Variants in POC1B observed in about 807,000 individuals in gnomAD.
POC1B encodes the protein POC1 centriolar protein B.
In POC1B, 44 loss-of-function variants were observed where a neutral mutation model predicts 60.6. That is an observed-to-expected ratio of 0.73 (90% CI 0.57 to 0.93). POC1B has a LOEUF of 0.93. Ranked by LOEUF, POC1B falls within the 40% of genes least tolerant of loss-of-function variation. POC1B has a pLI of 0.00. For missense variants in POC1B, 555 were observed against 572.3 expected (o/e 0.97, Z 0.31); for synonymous variants, 180 against 198.9 (o/e 0.90, Z 0.80).
intron 9 of POC1B, among the ~76,000 whole-genome samples, chr12:89,465,678 A>C (rs1054811395): frequency 1.6e-4 from 24 of 152,312 alleles, no homozygotes; most frequent in South Asian, 8.3e-4. Flanking sequence ...AATAAGTAGT[A>C]CAAAGAAGTG....
intron 2 of POC1B, among the ~76,000 whole-genome samples, chr12:89,497,812 G>A (rs548342899): frequency 4.7e-4 from 72 of 152,286 alleles, no homozygotes; most frequent in African/African-American, 1.7e-3. Context: ...TACAAGAATA[G>A]TACAAATAAC....
intron 3 of POC1B, among the ~76,000 whole-genome samples, chr12:89,496,305 T>C (rs1285863786): frequency 6.6e-6 from 1 of 152,170 alleles, no homozygotes; most frequent in East Asian, 1.9e-4. Flanking sequence ...CTGGCCTGGT[T>C]CCTAACAGGC....
intron 2 of POC1B, among the ~76,000 whole-genome samples, chr12:89,508,817 T>C (rs977818328): frequency 6.6e-6 from 1 of 152,232 alleles, no homozygotes; most frequent in Non-Finnish European, 1.5e-5. Context: ...GCTCTGCACT[T>C]GTCTCTCCTG....
At chr12:89,500,631 A>C in intron 2 of POC1B, 1 of 1,590,754 alleles carries the variant, frequency 6.3e-7, no homozygotes. Context: ...AGTGCCCAAA[A>C]GAGAGAGACT....
chr12:89,525,977 C>T lies in POC1B; in HGVS notation c.-82G>A. On this transcript the variant is annotated 5_prime_UTR_variant, in exon 1 of 12. Transcript: ENST00000313546. ...GAGAGGATGGGGAAGGAGAGGGGAC[C>T]GTGCGGCTCCCGGAACCGTCTGCCC... The T allele has an allele frequency of 6.5e-7, 1 of 1,544,606 alleles. No individual in the cohort carries two copies. The highest frequency in any genetic ancestry group is 1.2e-5 in the South Asian group (1 of 83,706).
intron 2 of POC1B, among the ~76,000 whole-genome samples, chr12:89,511,598 T>C (rs1870190572): frequency 6.6e-6 from 1 of 152,196 alleles, no homozygotes; most frequent in African/African-American, 2.4e-5. Flanking sequence ...TTGTACTTCA[T>C]GCTGCATTTC....
chr12:89,432,814 C>A (rs148297546), intron 10 of POC1B, among the ~76,000 whole-genome samples: 7 of 152,294 alleles, frequency 4.6e-5, no homozygotes, highest in Non-Finnish European at 8.8e-5. Context: ...TGTGGAGAAG[C>A]TGGGTCTAGA....
intron 4 of POC1B, among the ~76,000 whole-genome samples, chr12:89,482,368 A>T (rs1868395991): frequency 6.6e-6 from 1 of 152,216 alleles, no homozygotes; most frequent in Non-Finnish European, 1.5e-5. Context: ...AACATACATG[A>T]ATCTGGAGCT....
chr12:89,449,898 TA>T (rs1330275731), intron 10 of POC1B, among the ~76,000 whole-genome samples: 2 of 152,162 alleles, frequency 1.3e-5, no homozygotes, highest in Non-Finnish European at 2.9e-5. Flanking sequence ...ATTTAATGTT[TA>T]AAGAAGGTTA....
At chr12:89,433,918 T>C (rs1039318839) in intron 10 of POC1B, among the ~76,000 whole-genome samples, 14 of 152,196 alleles carry the variant, frequency 9.2e-5, no homozygotes, top group Non-Finnish European at 1.0e-4. Flanking sequence ...CTCACCCAGA[T>C]GGGGCTGTCA....
the POC1B span, among the ~76,000 whole-genome samples, chr12:89,404,270 C>T: frequency 6.6e-6 from 1 of 152,118 alleles, no homozygotes; most frequent in Non-Finnish European, 1.5e-5. Flanking sequence ...AGGGATGCAA[C>T]TTACTTCCTT....
At chr12:89,417,894 G>A (rs1455428298), downstream of POC1B, among the ~76,000 whole-genome samples, 1 of 152,182 alleles carries the variant, frequency 6.6e-6, no homozygotes, top group Non-Finnish European at 1.5e-5. Context: ...ATTAATCATA[G>A]CTGAGAAGCT....
At chr12:89,511,977 C>T (rs1357836288) in intron 2 of POC1B, among the ~76,000 whole-genome samples, 1 of 152,134 alleles carries the variant, frequency 6.6e-6, no homozygotes, top group Non-Finnish European at 1.5e-5. Context: ...TCACTAGAAT[C>T]CAGGAGATTG....
chr12:89,472,474 T>C lies in POC1B; in HGVS notation c.453-199A>G, dbSNP rs868139654. ...CTGACAGACCATTAAAAGGTCAAAA[T>C]ATGCTATGTAGACTAACCAAGTTGC... On this transcript the variant is annotated intron_variant, in intron 4 of 11. Transcript: ENST00000313546. The C allele has an allele frequency of 1.7e-5, 8 of 484,390 alleles. No homozygotes were observed. In the South Asian group the frequency reaches 2.3e-4, roughly 14 times the overall value. The allele number at this position is 484,390 out of a possible 1,614,324, so 30.0% of individuals were successfully genotyped here.
the POC1B span, among the ~76,000 whole-genome samples, chr12:89,410,664 G>A: frequency 1.4e-5 from 2 of 140,898 alleles, no homozygotes; most frequent in Non-Finnish European, 3.0e-5. Context: ...GGGCAACAGA[G>A]TGAGACTCCG....
At chr12:89,486,111 G>A (rs1259543796) in intron 4 of POC1B, among the ~76,000 whole-genome samples, 1 of 152,148 alleles carries the variant, frequency 6.6e-6, no homozygotes, top group Non-Finnish European at 1.5e-5. Context: ...TAATATATTT[G>A]CTGTCTGTCT....
chr12:89,478,458 C>T (rs963720216), intron 4 of POC1B, among the ~76,000 whole-genome samples: 1 of 152,100 alleles, frequency 6.6e-6, no homozygotes, highest in African/African-American at 2.4e-5. Context: ...ACGCTGGCTT[C>T]CCTAATAGAA....
chr12:89,468,775 C>G (rs1882777544), intron 7 of POC1B, among the ~76,000 whole-genome samples: 1 of 151,740 alleles, frequency 6.6e-6, no homozygotes. Context: ...AATGATAACG[C>G]AAAGCAGGAA....
intron 9 of POC1B, among the ~76,000 whole-genome samples, chr12:89,463,551 T>A (rs1046175936): frequency 6.6e-6 from 1 of 152,104 alleles, no homozygotes; most frequent in Non-Finnish European, 1.5e-5. Flanking sequence ...TAGCACAACA[T>A]GGGTAGGGTC....
Sources: allele counts gnomAD v4.1 joint callset (sites outside exome capture counted in the v4.1 genomes callset), GRCh38; gene constraint gnomAD v4.1.1; transcripts MANE v1.5; gene names NCBI Gene and HGNC (gene_info 2026-07-23, HGNC 2026-07-21).